The following GRIK2 variants were observed in gnomAD, a reference collection of about 807,000 sequenced individuals.
GRIK2 encodes glutamate ionotropic receptor kainate type subunit 2.
GRIK2 carries 32 observed loss-of-function variants against 100.3 expected under a neutral mutation model. That is an observed-to-expected ratio of 0.32 (90% CI 0.24 to 0.43). GRIK2 has a LOEUF of 0.43. GRIK2 is among the 20% of genes least tolerant of loss of function. The probability of loss-of-function intolerance (pLI) is 1.00; values close to 1 mark genes in which losing one functional copy is unlikely to be tolerated. For synonymous variants in GRIK2, 417 were observed against 389.4 expected (o/e 1.07, Z -0.83); for missense variants, 843 against 1,114.9 (o/e 0.76, Z 3.47).
chr6:102,046,233 A>G (rs1266987431), intron 15 of GRIK2, among the ~76,000 whole-genome samples: 1 of 152,138 alleles, frequency 6.6e-6, no homozygotes, highest in African/African-American at 2.4e-5. Context: ...TAATAGTAAA[A>G]GGCACCAATA....
At chr6:101,911,927 C>T (rs548191878) in intron 12 of GRIK2, among the ~76,000 whole-genome samples, 2 of 151,014 alleles carry the variant, frequency 1.3e-5, no homozygotes, top group South Asian at 4.2e-4. Flanking sequence ...AAGTAATTAC[C>T]CTTGTAATGT....
At chr6:101,591,547 C>T (rs961094240) in intron 2 of GRIK2, among the ~76,000 whole-genome samples, 1 of 151,924 alleles carries the variant, frequency 6.6e-6, no homozygotes, top group African/African-American at 2.4e-5. Flanking sequence ...TCTCTCAAGA[C>T]TATTTTTTTC....
rs139073999 is a variant in GRIK2, at chr6:101,715,841, A to G, written c.951+29488A>G. 2.0e-5 allele frequency among the ~76,000 whole-genome samples: 3 copies of G among 151,962 alleles called. No homozygotes were observed. The East Asian group carries it at 5.8e-4, about 30-fold the overall frequency. Reference sequence around the variant, plus strand: ...AGTTTAGTTTATAAACCTGCTTCGTATTCTAAACAAGTCATCACTGACCCT... The same window carrying G: ...AGTTTAGTTTATAAACCTGCTTCGTGTTCTAAACAAGTCATCACTGACCCT... On this transcript the variant is annotated intron_variant, in intron 7 of 16. Coordinates refer to ENST00000369134, the MANE Select transcript of GRIK2 (RefSeq NM_021956.5).
chr6:101,849,813 GTTTTTTT>G lies in GRIK2; in HGVS notation c.1318-9454_1318-9448del, dbSNP rs36010543. Reference sequence around the variant, plus strand: ...AGGGATGCTATTTAAAAAAAGGAGGGTTTTTTTTTTTTTTTTTTTTTTTTTTGGTCAA... The same window carrying G: ...AGGGATGCTATTTAAAAAAAGGAGGGTTTTTTTTTTTTTTTTTTTGGTCAA... On this transcript the variant is annotated intron_variant, in intron 10 of 16. Transcript: ENST00000369134. Among the ~76,000 whole-genome samples, 62 of 53,864 alleles carry G rather than the reference GTTTTTTT, an allele frequency of 1.2e-3. 3 individuals are homozygous for G. The South Asian group carries it at 0.051, about 44-fold the overall frequency. 35.3% of individuals were successfully genotyped at this position (53,864 alleles called of 152,430 possible). A position where few individuals can be genotyped will look rare whatever the true frequency, so the allele number is the denominator to read the frequency against.
intron 14 of GRIK2, among the ~76,000 whole-genome samples, chr6:102,032,649 A>G (rs752929769): frequency 1.1e-4 from 16 of 151,266 alleles, no homozygotes; most frequent in Admixed American, 3.3e-4. Context: ...GCTTTCTCTC[A>G]TATTAGAGAG....
At chr6:101,642,437 C>G (rs892856313) in intron 4 of GRIK2, among the ~76,000 whole-genome samples, 1 of 151,760 alleles carries the variant, frequency 6.6e-6, no homozygotes, top group Non-Finnish European at 1.5e-5. Flanking sequence ...ATTCTACTTT[C>G]TGTTTCTATG....
chr6:101,418,610 G>A (rs1582405232), intron 2 of GRIK2, among the ~76,000 whole-genome samples: 1 of 152,148 alleles, frequency 6.6e-6, no homozygotes, highest in East Asian at 1.9e-4. Flanking sequence ...TATGGTGGGG[G>A]TGGTTGGGGC....
chr6:102,056,558 A>T (rs1026135541), intron 16 of GRIK2, among the ~76,000 whole-genome samples: 14 of 151,986 alleles, frequency 9.2e-5, no homozygotes, highest in Non-Finnish European at 1.9e-4. Flanking sequence ...GAGTGAGATG[A>T]TATAATCTTT....
intron 14 of GRIK2, among the ~76,000 whole-genome samples, chr6:101,935,712 A>G (rs192083200): frequency 4.6e-4 from 70 of 152,086 alleles, no homozygotes; most frequent in African/African-American, 1.6e-3. Flanking sequence ...TTACTACCCT[A>G]TAATATTTAG....
chr6:101,721,524 C>G (rs1337414), intron 7 of GRIK2, among the ~76,000 whole-genome samples: 11,904 of 152,004 alleles, frequency 0.078, 590 homozygotes, highest in South Asian at 0.17. Flanking sequence ...TGTACCCCTG[C>G]ACTCCAGGGA....
At chr6:101,770,753 C>G (rs1192424074) in intron 7 of GRIK2, among the ~76,000 whole-genome samples, 1 of 152,106 alleles carries the variant, frequency 6.6e-6, no homozygotes, top group African/African-American at 2.4e-5. Flanking sequence ...TCTGATTATT[C>G]CTGAACCTGC....
intron 11 of GRIK2, among the ~76,000 whole-genome samples, chr6:101,888,589 G>A (rs1379450910): frequency 1.3e-5 from 2 of 151,990 alleles, no homozygotes; most frequent in Non-Finnish European, 2.9e-5. Flanking sequence ...GCATTTCAAT[G>A]TTCTTTCTCT....
intron 14 of GRIK2, among the ~76,000 whole-genome samples, chr6:101,936,276 T>C (rs1212488011): frequency 6.6e-6 from 1 of 152,022 alleles, no homozygotes; most frequent in Non-Finnish European, 1.5e-5. Flanking sequence ...TTTATAGTCA[T>C]ATAATTTTCC....
chr6:101,969,457 T>C (rs993720491), intron 14 of GRIK2, among the ~76,000 whole-genome samples: 14 of 152,152 alleles, frequency 9.2e-5, no homozygotes, highest in Admixed American at 9.2e-4. Flanking sequence ...TTTTCACTTG[T>C]TATTTTTTAA....
intron 12 of GRIK2, among the ~76,000 whole-genome samples, chr6:101,923,380 G>A (rs551969476): frequency 2.0e-5 from 3 of 152,210 alleles, no homozygotes; most frequent in African/African-American, 7.2e-5. Context: ...TGGGTGTAAT[G>A]TTTATGGATA....
intron 2 of GRIK2, among the ~76,000 whole-genome samples, chr6:101,506,541 A>G (rs894150162): frequency 6.6e-6 from 1 of 152,134 alleles, no homozygotes; most frequent in Non-Finnish European, 1.5e-5. Context: ...TAGCAGATGA[A>G]TATACGTGTT....
chr6:101,997,584 A>G (rs1794715743), intron 14 of GRIK2, among the ~76,000 whole-genome samples: 1 of 152,108 alleles, frequency 6.6e-6, no homozygotes, highest in Non-Finnish European at 1.5e-5. Context: ...CTGCTGTCAG[A>G]AACTATCCTT....
At chr6:101,411,835 G>A (rs1411269371) in intron 2 of GRIK2, among the ~76,000 whole-genome samples, 2 of 152,046 alleles carry the variant, frequency 1.3e-5, no homozygotes, top group African/African-American at 4.8e-5. Flanking sequence ...TCTTAAACAG[G>A]TGTTGTTTTA....
intron 7 of GRIK2, among the ~76,000 whole-genome samples, chr6:101,771,128 T>G (rs1476633703): frequency 5.3e-5 from 8 of 152,166 alleles, no homozygotes; most frequent in African/African-American, 1.9e-4. Flanking sequence ...TTGAAGAAAC[T>G]AAACTCTAAG....
Sources: gnomAD v4.1 joint callset for allele counts (sites outside exome capture counted in the v4.1 genomes callset) on GRCh38, gnomAD v4.1.1 for gene constraint, MANE v1.5 for transcripts, NCBI Gene and HGNC (gene_info 2026-07-23, HGNC 2026-07-21) for gene names.